Variants in FHIT observed in about 807,000 individuals in gnomAD.
FHIT encodes the protein fragile histidine triad diadenosine triphosphatase.
FHIT carries 19 observed loss-of-function variants against 17.9 expected under a neutral mutation model. That is an observed-to-expected ratio of 1.06 (90% CI 0.74 to 1.56). The LOEUF is 1.56. FHIT is among the 40% of genes most tolerant of loss of function. The probability of loss-of-function intolerance (pLI) is 0.00; values close to 1 mark genes in which losing one functional copy is unlikely to be tolerated. For synonymous variants in FHIT, 81 were observed against 69.7 expected, an observed-to-expected ratio of 1.16 and a Z score of -0.81; for missense variants, 248 against 189.2, an observed-to-expected ratio of 1.31 and a Z score of -1.82.
intron 7 of FHIT, among the ~76,000 whole-genome samples, chr3:59,945,862 T>C (rs1706776183): frequency 6.6e-6 from 1 of 152,192 alleles, no homozygotes; most frequent in Admixed American, 6.5e-5. Flanking sequence ...ATTTCTGGGC[T>C]CTCTATTCTG....
At chr3:60,278,483 A>T (rs1707276999) in intron 5 of FHIT, among the ~76,000 whole-genome samples, 1 of 152,164 alleles carries the variant, frequency 6.6e-6, no homozygotes, top group Admixed American at 6.5e-5. Context: ...ACTGAGATGT[A>T]ATCATAATAT....
At chr3:60,057,980 A>C (rs1348403723) in intron 5 of FHIT, among the ~76,000 whole-genome samples, 1 of 151,952 alleles carries the variant, frequency 6.6e-6, no homozygotes, top group Non-Finnish European at 1.5e-5. Flanking sequence ...CCGAACCCCT[A>C]GTGTTTTGGT....
chr3:60,676,595 A>T (rs1387760635), intron 4 of FHIT, among the ~76,000 whole-genome samples: 1 of 152,186 alleles, frequency 6.6e-6, no homozygotes, highest in Non-Finnish European at 1.5e-5. Context: ...TCACCTAGAG[A>T]ACACAACCAA....
At chr3:60,070,699 G>A (rs774645179) in intron 5 of FHIT, among the ~76,000 whole-genome samples, 3 of 152,148 alleles carry the variant, frequency 2.0e-5, no homozygotes, top group African/African-American at 4.8e-5. Flanking sequence ...TGCAGACTGC[G>A]AGGCAGGGTG....
chr3:60,630,863 C>T (rs994962191), intron 4 of FHIT, among the ~76,000 whole-genome samples: 2 of 150,964 alleles, frequency 1.3e-5, no homozygotes, highest in Non-Finnish European at 2.9e-5. Flanking sequence ...TACCTGAGTC[C>T]CTGTTAGGAT....
chr3:59,792,499 G>C (rs1236143309), intron 8 of FHIT, among the ~76,000 whole-genome samples: 2 of 152,150 alleles, frequency 1.3e-5, no homozygotes, highest in Non-Finnish European at 2.9e-5. Context: ...TCCTAGATTT[G>C]CCACATTTCT....
At chr3:60,870,853 C>T (rs1191057844) in intron 3 of FHIT, among the ~76,000 whole-genome samples, 1 of 152,066 alleles carries the variant, frequency 6.6e-6, no homozygotes, top group Non-Finnish European at 1.5e-5. Context: ...ATGGGTAAGA[C>T]CATGGACCAT....
chr3:59,899,752 AG>A (rs1368823172), intron 8 of FHIT, among the ~76,000 whole-genome samples: 1 of 152,134 alleles, frequency 6.6e-6, no homozygotes, highest in Non-Finnish European at 1.5e-5. Flanking sequence ...AGGCTGAGGC[AG>A]GAGAACTGCT....
At chr3:60,499,517 G>A (rs531380888) in intron 5 of FHIT, among the ~76,000 whole-genome samples, 1 of 152,022 alleles carries the variant, frequency 6.6e-6, no homozygotes, top group Non-Finnish European at 1.5e-5. Context: ...TCAGCCTCCC[G>A]AGTAGCTGGG....
At chr3:60,039,757 A>G (rs892183773) in intron 5 of FHIT, among the ~76,000 whole-genome samples, 3 of 152,242 alleles carry the variant, frequency 2.0e-5, no homozygotes, top group Non-Finnish European at 4.4e-5. Context: ...TATCTCAGGC[A>G]GTGCAGTCCA....
At chr3:59,852,650 C>T (rs1187930973) in intron 8 of FHIT, among the ~76,000 whole-genome samples, 1 of 152,124 alleles carries the variant, frequency 6.6e-6, no homozygotes, top group Non-Finnish European at 1.5e-5. Flanking sequence ...TTTCATTGTC[C>T]TAAAAGATCC....
chr3:60,793,310 T>TC (rs1700852779), intron 4 of FHIT, among the ~76,000 whole-genome samples: 1 of 149,750 alleles, frequency 6.7e-6, no homozygotes, highest in South Asian at 2.1e-4. Context: ...TTCTTTTTCT[T>TC]TTTTTTTTTG....
intron 8 of FHIT, among the ~76,000 whole-genome samples, chr3:59,902,575 G>A (rs565293909): frequency 1.5e-4 from 22 of 151,492 alleles, no homozygotes; most frequent in East Asian, 5.8e-4. Flanking sequence ...ACAGACATGC[G>A]ATGTATATAT....
chr3:60,569,258 C>G (rs1223478251), intron 4 of FHIT, among the ~76,000 whole-genome samples: 1 of 152,046 alleles, frequency 6.6e-6, no homozygotes, highest in African/African-American at 2.4e-5. Context: ...AACTTTGATA[C>G]CAGCATTTTC....
chr3:60,277,529 C>A (rs949254814), intron 5 of FHIT, among the ~76,000 whole-genome samples: 1 of 152,244 alleles, frequency 6.6e-6, no homozygotes, highest in African/African-American at 2.4e-5. Context: ...AACGAGCAGG[C>A]AACATGGCGC....
At chr3:59,836,102 T>TG (rs1299655500) in intron 8 of FHIT, among the ~76,000 whole-genome samples, 1 of 152,102 alleles carries the variant, frequency 6.6e-6, no homozygotes, top group Non-Finnish European at 1.5e-5. Context: ...GTCCTCCCCA[T>TG]GAGTTTACAA....
intron 5 of FHIT, among the ~76,000 whole-genome samples, chr3:60,141,844 C>A (rs1335970326): frequency 6.6e-6 from 1 of 152,190 alleles, no homozygotes; most frequent in East Asian, 1.9e-4. Context: ...TTGCGCTAAA[C>A]ATATCTGTAC....
At chr3:59,924,209 T>C (rs971692414) in intron 7 of FHIT, among the ~76,000 whole-genome samples, 2 of 152,192 alleles carry the variant, frequency 1.3e-5, no homozygotes, top group Non-Finnish European at 2.9e-5. Context: ...AGACAACCCT[T>C]AGAAGGAGCC....
intron 5 of FHIT, among the ~76,000 whole-genome samples, chr3:60,352,890 G>C (rs1038067258): frequency 3.3e-5 from 5 of 152,060 alleles, no homozygotes; most frequent in African/African-American, 1.2e-4. Flanking sequence ...TTACCTAGGA[G>C]CTCCCTCTGG....
Sources: allele counts gnomAD v4.1 joint callset (sites outside exome capture counted in the v4.1 genomes callset), GRCh38; gene constraint gnomAD v4.1.1; transcripts MANE v1.5; gene names NCBI Gene and HGNC (gene_info 2026-07-23, HGNC 2026-07-21).